The following ACP3 variants were observed in gnomAD, a reference collection of about 807,000 sequenced individuals.
The protein encoded by ACP3 is prostatic acid phosphatase.
A neutral mutation model predicts 45.6 loss-of-function variants in ACP3; 38 were observed. That is an observed-to-expected ratio of 0.83 (90% CI 0.64 to 1.09). The LOEUF (loss-of-function observed/expected upper bound fraction) is 1.09. Ranked by LOEUF, ACP3 falls within the 50% of genes least tolerant of loss-of-function variation. The pLI, the probability that ACP3 is intolerant of heterozygous loss-of-function variation, is 0.00. For missense variants in ACP3, 466 were observed against 463.2 expected (o/e 1.01, Z -0.05); for synonymous variants, 162 against 164.7 (o/e 0.98, Z 0.13).
chr3:132,354,176 G>A (rs561178173), intron 9 of ACP3, among the ~76,000 whole-genome samples: 3 of 152,310 alleles, frequency 2.0e-5, no homozygotes, highest in Admixed American at 2.0e-4. Flanking sequence ...TGGGCACAGA[G>A]TTAATAAATC....
intron 8 of ACP3, among the ~76,000 whole-genome samples, chr3:132,351,119 T>C (rs1024205863): frequency 6.6e-6 from 1 of 152,124 alleles, no homozygotes; most frequent in Non-Finnish European, 1.5e-5. Context: ...GCAAATGTAC[T>C]GATTAGGCAA....
chr3:132,366,878 A>G (rs1383861986), intron 10 of ACP3, among the ~76,000 whole-genome samples: 1 of 152,176 alleles, frequency 6.6e-6, no homozygotes, highest in Non-Finnish European at 1.5e-5. Context: ...CATTCTCTTA[A>G]TGATAATGTC....
downstream of ACP3, among the ~76,000 whole-genome samples, chr3:132,359,208 T>C (rs1381375658): frequency 6.6e-6 from 1 of 152,190 alleles, no homozygotes; most frequent in Non-Finnish European, 1.5e-5. Context: ...AGGTAGCAAC[T>C]GTACCACGTA....
intron 1 of ACP3, among the ~76,000 whole-genome samples, 155 bp downstream of exon 1, chr3:132,317,731 C>T (rs1449899339): frequency 1.3e-5 from 2 of 152,204 alleles, no homozygotes; most frequent in East Asian, 3.8e-4. Flanking sequence ...TTGCAAGTTC[C>T]TCTTAATGAA....
At position 132,358,441 on chromosome 3, in the gene ACP3, CAAG is replaced by C. The variant is rs1242952288; in HGVS notation, c.*1569_*1571del. On this transcript the variant is annotated 3_prime_UTR_variant, in exon 10 of 10. Transcript: ENST00000336375. ...GGTCCTGCTGAAACTGCCCACTCTG[CAAG>C]AAGAAATCATGATATAGCTTTGCCA... 7.8e-7 allele frequency: 1 copy of C among 1,273,900 alleles called. No individual in the cohort carries two copies. Among genetic ancestry groups the C allele is most frequent in the Non-Finnish European group, 1.0e-6 (1 of 979,880 alleles). 78.9% of individuals were successfully genotyped at this position (1,273,900 alleles called of 1,614,324 possible).
At chr3:132,355,569 G>A (rs867533389) in intron 9 of ACP3, among the ~76,000 whole-genome samples, 1 of 150,842 alleles carries the variant, frequency 6.6e-6, no homozygotes, top group African/African-American at 2.4e-5. Context: ...CCAGGCTAGA[G>A]TGTAGTGGCG....
intron 4 of ACP3, among the ~76,000 whole-genome samples, chr3:132,336,428 C>A (rs901334371): frequency 6.6e-6 from 1 of 151,898 alleles, no homozygotes; most frequent in East Asian, 1.9e-4. Flanking sequence ...TAAAAAAAAG[C>A]GGTCTATTTT....
At chr3:132,322,135 C>T (rs1937217880) in intron 1 of ACP3, among the ~76,000 whole-genome samples, 1 of 152,154 alleles carries the variant, frequency 6.6e-6, no homozygotes, top group African/African-American at 2.4e-5. Flanking sequence ...GAGTTTGAAC[C>T]CAGGTCTAAC....
chr3:132,336,668 C>A (rs1937496498), intron 4 of ACP3, among the ~76,000 whole-genome samples: 1 of 152,000 alleles, frequency 6.6e-6, no homozygotes, highest in Non-Finnish European at 1.5e-5. Context: ...AGATCCTAAG[C>A]CTATGCCTTC....
intron 9 of ACP3, among the ~76,000 whole-genome samples, chr3:132,354,212 G>A (rs960532900): frequency 6.6e-6 from 1 of 152,108 alleles, no homozygotes; most frequent in African/African-American, 2.4e-5. Context: ...ATCAGCTTCA[G>A]GAGCAGGCAC....
At chr3:132,320,919 G>A (rs1442774901) in intron 1 of ACP3, among the ~76,000 whole-genome samples, 2 of 152,158 alleles carry the variant, frequency 1.3e-5, no homozygotes, top group Non-Finnish European at 2.9e-5. Flanking sequence ...CCAAAGGGCT[G>A]AGATTACAGG....
chr3:132,329,662 A>T (rs1278747758), intron 2 of ACP3, among the ~76,000 whole-genome samples: 4 of 152,188 alleles, frequency 2.6e-5, no homozygotes, highest in Non-Finnish European at 4.4e-5. Context: ...AGGCTGCAGG[A>T]TCTGAGTTCT....
At chr3:132,367,570 T>A (rs1938150747) in intron 10 of ACP3, 1 of 682,154 alleles carries the variant, frequency 1.5e-6, no homozygotes. Flanking sequence ...AGCACACACA[T>A]AATGCTGATT....
intron 7 of ACP3, 77 bp from the exon 8 acceptor site, chr3:132,349,843 G>A: frequency 1.0e-6 from 1 of 993,534 alleles, no homozygotes. Context: ...CCGCAACTAT[G>A]AAGTGACAAA....
rs1287230266 is a variant in ACP3 at position 132,350,003 on chromosome 3, G to GT, written c.864+2dup. 3 of 1,583,754 alleles carry GT rather than the reference G, an allele frequency of 1.9e-6. No individual in the cohort carries two copies. Among genetic ancestry groups the GT allele is most frequent in the Admixed American group, 1.7e-5 (1 of 59,916 alleles). On this transcript the variant is annotated splice_donor_variant, in intron 8 of 9. Transcript: ENST00000336375. LOFTEE classifies it high-confidence loss of function. ...CAAAAAACTCATCATGTATTCTGCG[G>GT]TAAGTATTTTCATCTTCATTTAACA...
At chr3:132,334,742 C>G (rs947428031) in intron 4 of ACP3, among the ~76,000 whole-genome samples, 5 of 152,110 alleles carry the variant, frequency 3.3e-5, no homozygotes, top group Admixed American at 2.6e-4. Context: ...TTATATTGGA[C>G]ACAGATTAGA....
chr3:132,328,324 G>C lies in ACP3; in HGVS notation c.178G>C (p.Glu60Gln), dbSNP rs370760828. The change falls in exon 2 of 10, where the codon GAA (glutamate) becomes CAA (glutamine). Residue 60 changes from glutamate (E) to glutamine (Q), a missense_variant. Coordinates refer to ENST00000336375, the MANE Select transcript of ACP3 (RefSeq NM_001099.5). ...IDTFPTDPIKESSWPQGFGQL... is the reference protein window; with the variant it reads ...IDTFPTDPIKQSSWPQGFGQL... Reference sequence around the variant, plus strand: ...CACCTTTCCCACTGACCCCATAAAGGAATCCTCATGGCCACAAGGATTTGG... The same window carrying C: ...CACCTTTCCCACTGACCCCATAAAGCAATCCTCATGGCCACAAGGATTTGG... 8.7e-6 allele frequency: 14 copies of C among 1,613,778 alleles called. No homozygotes were observed. Among genetic ancestry groups the C allele is most frequent in the Non-Finnish European group, 1.1e-5 (13 of 1,179,926 alleles).
At chr3:132,354,744 G>T (rs1362219507) in intron 9 of ACP3, among the ~76,000 whole-genome samples, 1 of 152,102 alleles carries the variant, frequency 6.6e-6, no homozygotes, top group Non-Finnish European at 1.5e-5. Flanking sequence ...ATTCTTAAAA[G>T]ATTTAATTTT....
intron 1 of ACP3, among the ~76,000 whole-genome samples, chr3:132,326,861 T>C (rs893650529): frequency 6.6e-6 from 1 of 152,224 alleles, no homozygotes; most frequent in Non-Finnish European, 1.5e-5. Context: ...GCTGTCTCTA[T>C]ATTAAAAATA....
Sources: allele counts gnomAD v4.1 joint callset (sites outside exome capture counted in the v4.1 genomes callset), GRCh38; gene constraint gnomAD v4.1.1; transcripts MANE v1.5; gene names NCBI Gene and HGNC (gene_info 2026-07-23, HGNC 2026-07-21).